Variants in MITF observed in about 807,000 individuals in gnomAD.
MITF encodes the protein melanocyte inducing transcription factor.
A neutral mutation model predicts 60.5 loss-of-function variants in MITF; 17 were observed. The observed-to-expected ratio is 0.28, with a 90% CI of 0.19 to 0.42. The LOEUF is 0.42. MITF is among the 10% of genes least tolerant of loss of function. MITF has a pLI of 1.00. For missense variants in MITF, 622 were observed against 683.5 expected (o/e 0.91, Z 1.00); for synonymous variants, 260 against 248.5 (o/e 1.05, Z -0.43).
intron 1 of MITF, among the ~76,000 whole-genome samples, chr3:69,787,993 T>G (rs997261560): frequency 1.3e-5 from 2 of 152,132 alleles, no homozygotes; most frequent in African/African-American, 4.8e-5. Context: ...GATGCTGTCA[T>G]TATCTCTGTT....
At chr3:69,900,251 C>T (rs2064967425) in intron 2 of MITF, among the ~76,000 whole-genome samples, 4 of 152,114 alleles carry the variant, frequency 2.6e-5, no homozygotes, top group Non-Finnish European at 1.5e-5. Context: ...TAACACACAC[C>T]TCAGCCACCC....
intron 2 of MITF, among the ~76,000 whole-genome samples, chr3:69,890,287 C>A (rs1380162975): frequency 6.6e-6 from 1 of 152,136 alleles, no homozygotes; most frequent in Admixed American, 6.6e-5. Flanking sequence ...CTGCCAATAG[C>A]CTTCCATTCA....
intron 1 of MITF, among the ~76,000 whole-genome samples, chr3:69,806,022 C>T (rs746943885): frequency 2.6e-5 from 4 of 151,884 alleles, no homozygotes; most frequent in East Asian, 1.9e-4. Context: ...TTAATATAGA[C>T]TAATTATGTG....
At chr3:69,763,573 G>A in intron 1 of MITF, 1 of 1,179,926 alleles carries the variant, frequency 8.5e-7, no homozygotes, top group East Asian at 4.8e-5. Flanking sequence ...CCTTCCTAGT[G>A]TTGAGAGAAG....
At chr3:69,862,470 CA>C (rs1240035572) in intron 1 of MITF, among the ~76,000 whole-genome samples, 2 of 152,046 alleles carry the variant, frequency 1.3e-5, no homozygotes, top group African/African-American at 4.8e-5. Context: ...AAATGACTAT[CA>C]AAAGAAAGAA....
At chr3:69,774,113 G>C (rs573670061) in intron 1 of MITF, among the ~76,000 whole-genome samples, 1 of 152,188 alleles carries the variant, frequency 6.6e-6, no homozygotes, top group Non-Finnish European at 1.5e-5. Context: ...TAATATTCAG[G>C]TATGTCTTCA....
intron 8 of MITF, among the ~76,000 whole-genome samples, chr3:69,958,535 A>G (rs986149935): frequency 6.6e-6 from 1 of 152,092 alleles, no homozygotes; most frequent in Non-Finnish European, 1.5e-5. Flanking sequence ...GAAATGGACA[A>G]AGAGAGGCTA....
chr3:69,858,187 A>G (rs2063952592), intron 1 of MITF, among the ~76,000 whole-genome samples: 1 of 152,180 alleles, frequency 6.6e-6, no homozygotes, highest in Non-Finnish European at 1.5e-5. Context: ...TATCAACATT[A>G]ATATACACTT....
At position 69,967,921 on chromosome 3, in the gene MITF, T is replaced by G. The variant is rs75204045; in HGVS notation, c.*2673T>G. 72 of 233,484 alleles carry G rather than the reference T, an allele frequency of 3.1e-4. No individual in the cohort carries two copies. The East Asian group carries it at 4.1e-3, about 13-fold the overall frequency. 14.5% of individuals were successfully genotyped at this position (233,484 alleles called of 1,614,324 possible). A position where few individuals can be genotyped will look rare whatever the true frequency, so the allele number is the denominator to read the frequency against. ...GTCCATCTGCCTCTGAGTAGGGCAA[T>G]GGAAATACCAAACCTTCTGACTTTG... is the stretch of plus-strand genomic sequence containing the variant. On this transcript the variant is annotated 3_prime_UTR_variant, in exon 10 of 10. Transcript: ENST00000352241.
At chr3:69,960,200 C>T (rs1576057419) in intron 9 of MITF, among the ~76,000 whole-genome samples, 1 of 152,118 alleles carries the variant, frequency 6.6e-6, no homozygotes, top group Non-Finnish European at 1.5e-5. Context: ...AGTTGATGGT[C>T]AAAATCTGTG....
At chr3:69,860,146 A>G (rs1401754093) in intron 1 of MITF, among the ~76,000 whole-genome samples, 1 of 152,222 alleles carries the variant, frequency 6.6e-6, no homozygotes, top group African/African-American at 2.4e-5. Context: ...TATAGATAAC[A>G]AAGAAAAGCC....
At chr3:69,936,917 G>GT in intron 2 of MITF, 1 of 418,712 alleles carries the variant, frequency 2.4e-6, no homozygotes, top group Admixed American at 4.1e-5. Flanking sequence ...ATTCAATGTA[G>GT]TTTTGAACAA....
chr3:69,763,776 G>A (rs1339851854), intron 1 of MITF: 4 of 1,364,746 alleles, frequency 2.9e-6, no homozygotes, highest in Non-Finnish European at 1.9e-6. Flanking sequence ...TCTGACCTAA[G>A]TAAAAGCTAA....
chr3:69,935,313 A>G (rs2065808087), intron 2 of MITF, among the ~76,000 whole-genome samples: 1 of 152,240 alleles, frequency 6.6e-6, no homozygotes, highest in Non-Finnish European at 1.5e-5. Context: ...TGCCACATAG[A>G]AAGCAAATTG....
intron 1 of MITF, among the ~76,000 whole-genome samples, chr3:69,808,130 A>T (rs183713175): frequency 2.1e-4 from 29 of 141,342 alleles, no homozygotes; most frequent in African/African-American, 8.1e-4. Flanking sequence ...ATATAATATA[A>T]AAATATATAA....
chr3:69,788,573 C>T (rs1012695104), intron 1 of MITF, among the ~76,000 whole-genome samples: 18 of 152,094 alleles, frequency 1.2e-4, no homozygotes, highest in African/African-American at 4.3e-4. Flanking sequence ...CCCTTAACAT[C>T]TTGGACCTTG....
chr3:69,820,400 T>C (rs2063250118), intron 1 of MITF, among the ~76,000 whole-genome samples: 1 of 152,292 alleles, frequency 6.6e-6, no homozygotes, highest in South Asian at 2.1e-4. Flanking sequence ...AATCCAAACC[T>C]TGGAATTTCT....
Position 69,879,223 on chromosome 3 carries a change from G to A in MITF, c.194G>A (p.Arg65His), listed in dbSNP as rs1170368454. The change falls in exon 2 of 10, where the codon CGT (arginine) becomes CAT (histidine). Residue 65 changes from arginine (R) to histidine (H), a missense_variant. Coordinates refer to ENST00000352241, the MANE Select transcript of MITF (RefSeq NM_001354604.2). ...SRILLRQQLM[R>H]EQMQEQERRE... ...ATCTTGCTACGCCAGCAACTCATGC[G>A]TGAGCAGATGCAGGAGCAGGAGCGC... 6.8e-6 allele frequency: 11 copies of A among 1,614,094 alleles called. No individual in the cohort carries two copies. The highest frequency in any genetic ancestry group is 9.3e-6 in the Non-Finnish European group (11 of 1,180,048).
intron 1 of MITF, among the ~76,000 whole-genome samples, chr3:69,782,535 C>G (rs2062582843): frequency 6.6e-6 from 1 of 152,156 alleles, no homozygotes; most frequent in Admixed American, 6.5e-5. Context: ...AGTCACAAAG[C>G]TAATTAAGTG....
Sources: allele counts gnomAD v4.1 joint callset (sites outside exome capture counted in the v4.1 genomes callset), GRCh38; gene constraint gnomAD v4.1.1; transcripts MANE v1.5; gene names NCBI Gene and HGNC (gene_info 2026-07-23, HGNC 2026-07-21).